Variants in MROH2B observed in about 807,000 individuals in gnomAD.
MROH2B encodes the protein maestro heat like repeat family member 2B.
A neutral mutation model predicts 208.6 loss-of-function variants in MROH2B; 177 were observed. The ratio of observed to expected loss-of-function variants is 0.85; its 90% CI spans 0.75 to 0.96. The LOEUF is 0.96. MROH2B is among the 40% of genes least tolerant of loss of function. The pLI, the probability that MROH2B is intolerant of heterozygous loss-of-function variation, is 0.00. For synonymous variants in MROH2B, 728 were observed against 659.0 expected (o/e 1.10, Z -1.60); for missense variants, 2,002 against 1,878.7 (o/e 1.07, Z -1.21).
At chr5:41,031,343 G>A (rs1241255384) in intron 24 of MROH2B, among the ~76,000 whole-genome samples, 3 of 151,988 alleles carry the variant, frequency 2.0e-5, no homozygotes, top group Admixed American at 2.0e-4. Context: ...GAACAGCATG[G>A]AGGAAACCAC....
chr5:41,016,498 G>T (rs377688733), intron 28 of MROH2B, among the ~76,000 whole-genome samples: 131 of 80,758 alleles, frequency 1.6e-3, no homozygotes, highest in Middle Eastern at 0.013. Flanking sequence ...CTACTGTAAT[G>T]TTTTTTTTTT....
chr5:41,005,733 C>A, intron 34 of MROH2B, 88 bp from the exon 35 acceptor site: 1 of 1,143,800 alleles, frequency 8.7e-7, no homozygotes, highest in South Asian at 1.4e-5. Context: ...AGTAATTTGT[C>A]TAAAAAGGAA....
intron 13 of MROH2B, among the ~76,000 whole-genome samples, chr5:41,049,762 C>T (rs1743231842): frequency 6.6e-6 from 1 of 152,152 alleles, no homozygotes; most frequent in African/African-American, 2.4e-5. Flanking sequence ...GCCAGTATTC[C>T]TCTTGTCAAT....
chr5:41,026,861 C>G (rs564163154), intron 24 of MROH2B, among the ~76,000 whole-genome samples: 64 of 152,272 alleles, frequency 4.2e-4, no homozygotes, highest in African/African-American at 1.4e-3. Flanking sequence ...TGGAATGGAA[C>G]AGAGCCCTCA....
Position 41,065,429 on chromosome 5 carries a change from A to C in MROH2B, c.263T>G (p.Phe88Cys), listed in dbSNP as rs1372195553. 1 of 1,613,468 alleles carries C rather than the reference A, an allele frequency of 6.2e-7. No homozygotes were observed. The highest frequency in any genetic ancestry group is 8.5e-7 in the Non-Finnish European group (1 of 1,179,704). ...TTGTACTTCATACATCACAGAGTTGAAATCATGTGCAGCAAGAGACACCAA... is the reference window on the plus strand; with the variant it reads ...TTGTACTTCATACATCACAGAGTTGCAATCATGTGCAGCAAGAGACACCAA... The part of the protein sequence containing the change: ...EVLVSLAAHD[F>C]NSVMYEVQSN... The change falls in exon 4 of 42, where the codon TTC becomes TGC. Residue 88 changes from phenylalanine to cysteine, a missense_variant. Transcript: ENST00000399564.
Position 41,009,836 on chromosome 5 carries a change from A to G in MROH2B, c.3293+86T>C, listed in dbSNP as rs767288899. ...GAGCTATTTTCAACCTTTGTTTGCTATCTTGCTCTCAAACCGTAAATCCCT... is the reference window on the plus strand; with the variant it reads ...GAGCTATTTTCAACCTTTGTTTGCTGTCTTGCTCTCAAACCGTAAATCCCT... On this transcript the variant is annotated intron_variant, in intron 31 of 41. Transcript: ENST00000399564. 4.6e-5 allele frequency: 62 copies of G among 1,349,100 alleles called. No homozygotes were observed. In the African/African-American group the frequency reaches 6.6e-4, roughly 14 times the overall value. The allele number at this position is 1,349,100 out of a possible 1,614,324, so 83.6% of individuals were successfully genotyped here. A position where few individuals can be genotyped will look rare whatever the true frequency, so the allele number is the denominator to read the frequency against.
chr5:41,029,081 G>A (rs538402259), intron 24 of MROH2B, among the ~76,000 whole-genome samples: 37 of 152,058 alleles, frequency 2.4e-4, no homozygotes, highest in South Asian at 2.3e-3. Flanking sequence ...ACCAATTTAC[G>A]TTCCCACCAA....
rs70988830 is a variant in MROH2B, at chr5:41,033,829, C to CTATCTATCTATCTATCTATT, written c.2241+8_2241+9insAATAGATAGATAGATAGATA. ...TCTATCTATCTATCTATCTATCTAT[C>CTATCTATCTATCTATCTATT]TCTCCTACCTTGTTCATCACAGACA... is the stretch of plus-strand genomic sequence containing the variant. On this transcript the variant is annotated intron_variant, in intron 22 of 41. Transcript: ENST00000399564. 3.2e-5 allele frequency: 43 copies of CTATCTATCTATCTATCTATT among 1,324,894 alleles called. No individual in the cohort carries two copies. The highest frequency in any genetic ancestry group is 6.6e-5 in the South Asian group (5 of 75,330). The allele number at this position is 1,324,894 out of a possible 1,614,324, so 82.1% of individuals were successfully genotyped here. A position where few individuals can be genotyped will look rare whatever the true frequency, so the allele number is the denominator to read the frequency against.
At position 41,071,078 on chromosome 5, in the gene MROH2B, G is replaced by A. The variant is rs370472091; in HGVS notation, c.-226C>T. ...TTCTACCACTATGACATTGTCTTGC[G>A]TCTGAACTCCTGCTAACCAACAAAA... On this transcript the variant is annotated 5_prime_UTR_variant, in exon 1 of 42. The change creates a new upstream start codon in the 5' untranslated region. Transcript: ENST00000399564. 44 of 488,438 alleles carry A rather than the reference G, an allele frequency of 9.0e-5. No homozygotes were observed. The highest frequency in any genetic ancestry group is 4.0e-4 in the Admixed American group (12 of 29,794). The allele number at this position is 488,438 out of a possible 1,614,324, so 30.3% of individuals were successfully genotyped here. A position where few individuals can be genotyped will look rare whatever the true frequency, so the allele number is the denominator to read the frequency against.
At position 41,057,040 on chromosome 5, in the gene MROH2B, C is replaced by G; in HGVS notation, c.919+69G>C. ...GTAAGTTAATGTGACAGTTTGCCCT[C>G]CTTTTACCATTGTCATCATCATCAC... On this transcript the variant is annotated intron_variant, in intron 9 of 41. Transcript: ENST00000399564. The G allele has an allele frequency of 2.0e-6, 3 of 1,484,510 alleles. No individual in the cohort carries two copies. In the East Asian group the frequency reaches 6.8e-5, roughly 34 times the overall value. The allele number at this position is 1,484,510 out of a possible 1,614,324, so 92.0% of individuals were successfully genotyped here.
At chr5:41,067,280 A>G (rs2150184060) in intron 2 of MROH2B, 62 bp from the exon 3 acceptor site, 1 of 821,202 alleles carries the variant, frequency 1.2e-6, no homozygotes. Context: ...ATCAAATGAA[A>G]TCCTAATGAA....
At chr5:41,038,496 T>G (rs1183103230) in intron 21 of MROH2B, among the ~76,000 whole-genome samples, 1 of 152,210 alleles carries the variant, frequency 6.6e-6, no homozygotes, top group Non-Finnish European at 1.5e-5. Context: ...CCTATCTTTC[T>G]TTTGGCCTGT....
intron 24 of MROH2B, among the ~76,000 whole-genome samples, chr5:41,026,920 G>A (rs551143947): frequency 9.2e-5 from 14 of 152,188 alleles, no homozygotes; most frequent in South Asian, 4.2e-4. Context: ...CAAACCTGAC[G>A]AAAACATGAA....
Position 41,057,359 on chromosome 5 carries a change from C to A in MROH2B, c.758G>T (p.Ser253Ile). The change falls in exon 8 of 42, where the codon AGC becomes ATC. Residue 253 changes from serine to isoleucine, a missense_variant and splice_region_variant. Ser to Ile is a moderately radical substitution (Grantham distance 142). Coordinates refer to ENST00000399564, the MANE Select transcript of MROH2B (RefSeq NM_173489.5). ...DKEIDFHVTQ[S>I]LKQILTAAVL... ...TGCTGCAGTCAGTATTTGTTTTAGG[C>A]TCTAAAGTGGAAACTCCCACAGGTT... 6.4e-7 allele frequency: 1 copy of A among 1,568,582 alleles called. No individual in the cohort carries two copies. The highest frequency in any genetic ancestry group is 8.7e-7 in the Non-Finnish European group (1 of 1,155,598).
chr5:41,032,622 A>T, intron 24 of MROH2B, 120 bp downstream of exon 24: 1 of 789,164 alleles, frequency 1.3e-6, no homozygotes, highest in Non-Finnish European at 2.1e-6. Context: ...AGCTCCCATT[A>T]ATGAACTGTG....
At chr5:41,013,473 AAGC>A (rs2111846520) in intron 29 of MROH2B, among the ~76,000 whole-genome samples, 1 of 152,322 alleles carries the variant, frequency 6.6e-6, no homozygotes, top group East Asian at 1.9e-4. Flanking sequence ...GGATTTAACT[AAGC>A]AAGATGGTAA....
chr5:41,051,431 T>G (rs12332614), intron 12 of MROH2B: 1 of 169,940 alleles, frequency 5.9e-6, no homozygotes, highest in African/African-American at 2.4e-5. Context: ...TTATTTCAGT[T>G]GTGACTAATT....
At chr5:41,018,573 G>A in intron 26 of MROH2B, 118 bp downstream of exon 26, 1 of 1,407,114 alleles carries the variant, frequency 7.1e-7, no homozygotes, top group Non-Finnish European at 9.8e-7. Flanking sequence ...CTGTATGTGG[G>A]GTGTGGGTGG....
At chr5:41,056,582 C>T (rs1358920501) in intron 9 of MROH2B, among the ~76,000 whole-genome samples, 1 of 151,700 alleles carries the variant, frequency 6.6e-6, no homozygotes, top group Non-Finnish European at 1.5e-5. Context: ...GATTTTGGTG[C>T]CCCCCGTGCA....
Sources: gnomAD v4.1 joint callset for allele counts (sites outside exome capture counted in the v4.1 genomes callset) on GRCh38, gnomAD v4.1.1 for gene constraint, MANE v1.5 for transcripts, NCBI Gene and HGNC (gene_info 2026-07-23, HGNC 2026-07-21) for gene names.